Variants in FHIT observed in about 807,000 individuals in gnomAD.
The protein encoded by FHIT is fragile histidine triad diadenosine triphosphatase, also known as bis(5'-adenosyl)-triphosphatase.
FHIT carries 19 observed loss-of-function variants against 17.9 expected under a neutral mutation model. That is an observed-to-expected ratio of 1.06 (90% CI 0.74 to 1.56). The LOEUF (loss-of-function observed/expected upper bound fraction) is 1.56. Ranked by LOEUF, FHIT falls within the 40% of genes most tolerant of loss-of-function variation. The pLI is 0.00. For synonymous variants in FHIT, 81 were observed against 69.7 expected (o/e 1.16, Z -0.81); for missense variants, 248 against 189.2 (o/e 1.31, Z -1.82).
At chr3:60,442,868 T>C (rs1255980466) in intron 5 of FHIT, among the ~76,000 whole-genome samples, 3 of 152,152 alleles carry the variant, frequency 2.0e-5, no homozygotes, top group Admixed American at 2.0e-4. Flanking sequence ...TTGGGCAGTA[T>C]GGCCATTTTC....
intron 8 of FHIT, among the ~76,000 whole-genome samples, chr3:59,891,438 TG>T (rs1175096915): frequency 6.6e-6 from 1 of 152,162 alleles, no homozygotes; most frequent in Non-Finnish European, 1.5e-5. Context: ...AGAGGACAGA[TG>T]GGTAAGCAAC....
At chr3:61,177,338 G>A (rs888961033) in intron 2 of FHIT, among the ~76,000 whole-genome samples, 1 of 151,946 alleles carries the variant, frequency 6.6e-6, no homozygotes, top group African/African-American at 2.4e-5. Context: ...CTAAACCTGA[G>A]TCTGCCTGAT....
intron 7 of FHIT, among the ~76,000 whole-genome samples, chr3:60,004,527 C>T (rs1338891372): frequency 6.6e-6 from 1 of 152,050 alleles, no homozygotes; most frequent in Non-Finnish European, 1.5e-5. Context: ...TAGATGGAAA[C>T]CAACATTATT....
intron 5 of FHIT, among the ~76,000 whole-genome samples, chr3:60,351,941 T>C (rs989090207): frequency 1.6e-4 from 24 of 152,204 alleles, no homozygotes; most frequent in African/African-American, 5.5e-4. Context: ...TTTGATAAGT[T>C]TGTTCCTCCT....
rs6779695 is a variant in FHIT at position 60,817,106 on chromosome 3, A to G, written c.-18+4813T>C. ...GTCTACTTAGATTTAATTTTATACT[A>G]TCTCATATAAAATTGGAAAACCTTG... On this transcript the variant is annotated intron_variant, in intron 4 of 9. Coordinates refer to ENST00000492590, the MANE Select transcript of FHIT (RefSeq NM_002012.4). Among the ~76,000 whole-genome samples, 994 of 152,098 alleles carry G rather than the reference A, an allele frequency of 6.5e-3. 7 individuals are homozygous for G. Among genetic ancestry groups the G allele is most frequent in the African/African-American group, 0.023 (954 of 41,536 alleles).
At chr3:60,261,728 A>T (rs1293355466) in intron 5 of FHIT, among the ~76,000 whole-genome samples, 1 of 152,040 alleles carries the variant, frequency 6.6e-6, no homozygotes, top group Non-Finnish European at 1.5e-5. Flanking sequence ...GCACTGGAGG[A>T]AACAGCAGAA....
chr3:60,273,901 A>G (rs1277263082), intron 5 of FHIT, among the ~76,000 whole-genome samples: 3 of 152,230 alleles, frequency 2.0e-5, no homozygotes, highest in Non-Finnish European at 4.4e-5. Flanking sequence ...GAAATTAATA[A>G]AAGTATCTCA....
chr3:59,773,478 T>C (rs1329305721), intron 8 of FHIT, among the ~76,000 whole-genome samples: 3 of 152,230 alleles, frequency 2.0e-5, no homozygotes, highest in Admixed American at 2.0e-4. Flanking sequence ...TTGCATGCTT[T>C]GACTCACTTA....
intron 7 of FHIT, among the ~76,000 whole-genome samples, chr3:59,922,654 CAG>C (rs1406306069): frequency 6.6e-6 from 1 of 152,120 alleles, no homozygotes; most frequent in African/African-American, 2.4e-5. Context: ...TAGAGTGTTT[CAG>C]AGTCTCTGTG....
intron 2 of FHIT, among the ~76,000 whole-genome samples, chr3:61,091,936 TAAAA>T (rs58005720): frequency 6.5e-5 from 4 of 61,272 alleles, no homozygotes; most frequent in South Asian, 7.0e-4. Flanking sequence ...AGACCTTGTC[TAAAA>T]AAAAAAAAAA....
At chr3:61,037,033 T>A (rs890063914) in intron 3 of FHIT, among the ~76,000 whole-genome samples, 1 of 151,634 alleles carries the variant, frequency 6.6e-6, no homozygotes, top group Non-Finnish European at 1.5e-5. Context: ...TGCCTCAGCC[T>A]CTCGAGTACT....
intron 5 of FHIT, among the ~76,000 whole-genome samples, chr3:60,101,650 C>T (rs1237511561): frequency 2.0e-5 from 3 of 152,178 alleles, no homozygotes; most frequent in Non-Finnish European, 4.4e-5. Flanking sequence ...GAGGGCACAG[C>T]CCTTGTTTAT....
chr3:59,874,572 C>G (rs2106920826), intron 8 of FHIT, among the ~76,000 whole-genome samples: 1 of 152,254 alleles, frequency 6.6e-6, no homozygotes, highest in Admixed American at 6.5e-5. Flanking sequence ...TATTCCCTCA[C>G]AGACTGAAAC....
At chr3:60,058,130 GTTTTTTTTTTTTTT>G (rs71089573) in intron 5 of FHIT, among the ~76,000 whole-genome samples, 12 of 66,342 alleles carry the variant, frequency 1.8e-4, no homozygotes, top group Middle Eastern at 0.011. Context: ...ACAGAGTTGT[GTTTTTTTTTTTTTT>G]TTTTTTTTTT....
intron 5 of FHIT, among the ~76,000 whole-genome samples, chr3:60,500,159 T>A (rs2034464687): frequency 6.6e-6 from 1 of 152,194 alleles, no homozygotes. Context: ...TGATACCTAT[T>A]TTTGTAAATA....
In FHIT at chr3:60,928,636, G is replaced by A. The variant is rs550847887; in HGVS notation, c.-110-106625C>T. Among the ~76,000 whole-genome samples the A allele has an allele frequency of 1.2e-3, 174 of 150,454 alleles. 3 individuals carry two copies. Among genetic ancestry groups the A allele is most frequent in the African/African-American group, 1.4e-3 (59 of 41,102 alleles). On this transcript the variant is annotated intron_variant, in intron 3 of 9. Transcript: ENST00000492590. ...TCTAGAAGAAATGGATAAATTCCTC[G>A]ACACATACACCCTCCCAAGACTAAA...
At chr3:61,182,020 G>C (rs1343066347) in intron 2 of FHIT, among the ~76,000 whole-genome samples, 1 of 152,102 alleles carries the variant, frequency 6.6e-6, no homozygotes, top group African/African-American at 2.4e-5. Context: ...AAGGATCCTG[G>C]GGCTACATGC....
intron 5 of FHIT, among the ~76,000 whole-genome samples, chr3:60,283,494 C>T (rs1707565922): frequency 1.3e-5 from 2 of 152,002 alleles, no homozygotes; most frequent in South Asian, 4.1e-4. Flanking sequence ...GTATCCATCA[C>T]CATTATCTAA....
At chr3:60,740,991 C>T (rs2042228466) in intron 4 of FHIT, among the ~76,000 whole-genome samples, 1 of 152,174 alleles carries the variant, frequency 6.6e-6, no homozygotes, top group Non-Finnish European at 1.5e-5. Context: ...ATCACAGAAG[C>T]ATTCACTCTA....
Sources: allele counts gnomAD v4.1 joint callset (sites outside exome capture counted in the v4.1 genomes callset), GRCh38; gene constraint gnomAD v4.1.1; transcripts MANE v1.5; gene names NCBI Gene and HGNC (gene_info 2026-07-23, HGNC 2026-07-21).